The following ZPBP variants were observed in gnomAD, a reference collection of about 807,000 sequenced individuals.
ZPBP encodes the protein zona pellucida-binding protein 1.
ZPBP carries 26 observed loss-of-function variants against 44.8 expected under a neutral mutation model. The observed-to-expected ratio is 0.58, with a 90% CI of 0.43 to 0.81. ZPBP has a LOEUF of 0.81. Ranked by LOEUF, ZPBP falls within the 30% of genes least tolerant of loss-of-function variation. ZPBP has a pLI of 0.00. For missense variants in ZPBP, 409 were observed against 434.0 expected (o/e 0.94, Z 0.51); for synonymous variants, 174 against 153.2 (o/e 1.14, Z -1.00).
intron 6 of ZPBP, among the ~76,000 whole-genome samples, chr7:50,011,770 G>C (rs1038884709): frequency 6.3e-5 from 7 of 110,698 alleles, no homozygotes; most frequent in African/African-American, 2.9e-4. Context: ...AGAAAGAAGG[G>C]GCCAGGTGTG....
At chr7:50,082,677 C>T (rs1802426339) in intron 2 of ZPBP, among the ~76,000 whole-genome samples, 1 of 151,684 alleles carries the variant, frequency 6.6e-6, no homozygotes, top group Non-Finnish European at 1.5e-5. Flanking sequence ...AAAGTTTTAC[C>T]ATAAAGCATG....
intron 6 of ZPBP, among the ~76,000 whole-genome samples, chr7:49,999,393 C>T (rs894579910): frequency 1.2e-4 from 18 of 151,968 alleles, no homozygotes; most frequent in African/African-American, 2.2e-4. Context: ...AAGCTGACTG[C>T]GCCAAAGAAT....
At chr7:49,858,544 G>A (rs993113108) in intron 2 of ZPBP, among the ~76,000 whole-genome samples, 1 of 145,450 alleles carries the variant, frequency 6.9e-6, no homozygotes, top group Non-Finnish European at 1.5e-5. Context: ...ATCACACACT[G>A]GGGCCTGTTG....
At chr7:49,890,046 G>A (rs760828510) in intron 2 of ZPBP, among the ~76,000 whole-genome samples, 1 of 138,830 alleles carries the variant, frequency 7.2e-6, no homozygotes, top group Non-Finnish European at 1.5e-5. Context: ...GAACACCAAG[G>A]CCTAATATTT....
In ZPBP at chr7:49,973,182, T is replaced by A. The variant is rs142560847; in HGVS notation, c.961+10160A>T. On this transcript the variant is annotated intron_variant, in intron 7 of 7. Coordinates refer to ENST00000046087, the MANE Select transcript of ZPBP (RefSeq NM_007009.3). The stretch of plus-strand genomic sequence containing the variant: ...TTTGGCAACTACTCCTTGGATATGG[T>A]AACAAAACCATAGACAACAAAAGAA... Among the ~76,000 whole-genome samples the A allele has an allele frequency of 9.3e-5, 14 of 151,292 alleles. No individual in the cohort carries two copies. The East Asian group carries it at 2.4e-3, about 26-fold the overall frequency.
At chr7:49,890,363 T>C (rs1792076012) in intron 2 of ZPBP, among the ~76,000 whole-genome samples, 1 of 152,214 alleles carries the variant, frequency 6.6e-6, no homozygotes, top group African/African-American at 2.4e-5. Flanking sequence ...CAAAAGAACT[T>C]GTTCAAAAAC....
At chr7:50,056,406 G>T (rs1800937444) in intron 4 of ZPBP, 1 of 151,998 alleles carries the variant, frequency 6.6e-6, no homozygotes, top group Non-Finnish European at 1.5e-5. Context: ...TGACCCTCTT[G>T]CCTTCCTCTT....
At chr7:49,990,619 T>TG (rs57607905) in intron 6 of ZPBP, among the ~76,000 whole-genome samples, 74,566 of 150,826 alleles carry the variant, frequency 0.49, 19,068 homozygotes, top group East Asian at 0.69. Context: ...TAAGTATATA[T>TG]GGGGGGGGAC....
chr7:50,008,266 C>A (rs1391396733), intron 6 of ZPBP, among the ~76,000 whole-genome samples: 1 of 151,852 alleles, frequency 6.6e-6, no homozygotes, highest in Non-Finnish European at 1.5e-5. Flanking sequence ...GAAAACAATT[C>A]CACTTACAAT....
chr7:50,071,325 C>A (rs957411192), intron 3 of ZPBP, among the ~76,000 whole-genome samples: 1 of 152,146 alleles, frequency 6.6e-6, no homozygotes, highest in Non-Finnish European at 1.5e-5. Flanking sequence ...CCAGCCCAAA[C>A]CAGAAGAGAA....
chr7:50,028,661 A>T (rs1308535329), intron 5 of ZPBP, among the ~76,000 whole-genome samples: 5 of 152,096 alleles, frequency 3.3e-5, no homozygotes, highest in South Asian at 4.1e-4. Flanking sequence ...TCCATTTTAA[A>T]AAAAAAAAAA....
chr7:49,877,481 AATATATAT>A lies in ZPBP; in HGVS notation n.509+23629_509+23636del, dbSNP rs1220691094. ...CTGTCTCAAAAAAAAAAAAAAAAAA[AATATATAT>A]ATATATATATATATATATATATATA... On this transcript the variant is annotated intron_variant and non_coding_transcript_variant, in intron 2 of 2. Coordinates refer to the ZPBP transcript ENST00000465922. 8.9e-3 allele frequency among the ~76,000 whole-genome samples: 113 copies of A among 12,714 alleles called. 7 individuals are homozygous for A. The highest frequency in any genetic ancestry group is 0.024 in the Admixed American group (17 of 712). 8.3% of individuals were successfully genotyped at this position (12,714 alleles called of 152,430 possible).
At position 49,856,079 on chromosome 7, in the gene ZPBP, C is replaced by T. The variant is rs181889645; in HGVS notation, n.510-5565G>A. Among the ~76,000 whole-genome samples, 159 of 152,258 alleles carry T rather than the reference C, an allele frequency of 1.0e-3. 2 individuals carry two copies. Among genetic ancestry groups the T allele is most frequent in the African/African-American group, 3.8e-3 (157 of 41,544 alleles). On this transcript the variant is annotated intron_variant and non_coding_transcript_variant, in intron 2 of 2. Coordinates refer to the ZPBP transcript ENST00000465922. ...CAGGGCTGATGTTCCCTTCTGTCCC[C>T]GGAAACACCACCCTACTGGGAGGCA...
At chr7:49,986,158 T>A (rs750724883) in intron 6 of ZPBP, among the ~76,000 whole-genome samples, 1 of 152,154 alleles carries the variant, frequency 6.6e-6, no homozygotes, top group Non-Finnish European at 1.5e-5. Context: ...AAAATGCAGA[T>A]CAAAGCATCT....
At chr7:49,981,146 T>C (rs1796849975) in intron 7 of ZPBP, among the ~76,000 whole-genome samples, 1 of 142,232 alleles carries the variant, frequency 7.0e-6, no homozygotes, top group Non-Finnish European at 1.5e-5. Flanking sequence ...ATTTTATATA[T>C]ATAAAATCAC....
In ZPBP at chr7:49,998,522, C is replaced by T. The variant is rs1218026592; in HGVS notation, c.784-15003G>A. On this transcript the variant is annotated intron_variant, in intron 6 of 7. Coordinates refer to ENST00000046087, the MANE Select transcript of ZPBP (RefSeq NM_007009.3). ...AATGTTCAGAAGTATTATACAGAGT[C>T]ACCAGGCTCCTTGCTTCTTATAAGT... Among the ~76,000 whole-genome samples the T allele has an allele frequency of 2.0e-5, 3 of 152,180 alleles. No individual in the cohort carries two copies. The East Asian group carries it at 5.8e-4, about 29-fold the overall frequency.
intron 1 of ZPBP, among the ~76,000 whole-genome samples, chr7:49,907,452 C>G (rs1003613703): frequency 2.0e-5 from 3 of 152,112 alleles, no homozygotes; most frequent in South Asian, 2.1e-4. Flanking sequence ...AATTACATAA[C>G]AGTAGGATAA....
chr7:50,008,781 C>G (rs1307835520), intron 6 of ZPBP, among the ~76,000 whole-genome samples: 1 of 152,068 alleles, frequency 6.6e-6, no homozygotes, highest in Non-Finnish European at 1.5e-5. Flanking sequence ...TGAATGCCTT[C>G]CCCATCGCTG....
intron 3 of ZPBP, among the ~76,000 whole-genome samples, chr7:50,075,920 T>G (rs560146770): frequency 6.6e-6 from 1 of 151,898 alleles, no homozygotes; most frequent in African/African-American, 2.4e-5. Context: ...AGTATTACCA[T>G]TATACCAAAA....
Sources: gnomAD v4.1 joint callset for allele counts (sites outside exome capture counted in the v4.1 genomes callset) on GRCh38, gnomAD v4.1.1 for gene constraint, MANE v1.5 for transcripts, NCBI Gene and HGNC (gene_info 2026-07-23, HGNC 2026-07-21) for gene names.